CACNA2D3: variants seen among roughly 807,000 people sequenced by gnomAD.
CACNA2D3 encodes the protein calcium voltage-gated channel auxiliary subunit alpha2delta 3.
Under a neutral mutation model 160.6 loss-of-function variants are expected in CACNA2D3, and 60 were observed. The observed-to-expected ratio is 0.37, with a 90% confidence interval of 0.30 to 0.46. CACNA2D3 has a LOEUF of 0.46. Ranked by LOEUF, CACNA2D3 falls within the 20% of genes least tolerant of loss-of-function variation. The pLI is 1.00. For synonymous variants in CACNA2D3, 558 were observed against 492.9 expected (o/e 1.13, Z -1.75); for missense variants, 1,205 against 1,365.0 (o/e 0.88, Z 1.85).
chr3:54,679,430 C>T (rs549471389), intron 11 of CACNA2D3, among the ~76,000 whole-genome samples: 7 of 152,290 alleles, frequency 4.6e-5, no homozygotes, highest in East Asian at 3.9e-4. Flanking sequence ...ACTGAGGCAG[C>T]GACTGAGCAC....
At chr3:54,239,581 G>T (rs1701940662) in intron 2 of CACNA2D3, among the ~76,000 whole-genome samples, 1 of 152,202 alleles carries the variant, frequency 6.6e-6, no homozygotes, top group Non-Finnish European at 1.5e-5. Flanking sequence ...TCAGAAGAAG[G>T]GAGATCATTG....
chr3:54,818,776 C>A (rs1200777600), intron 14 of CACNA2D3, among the ~76,000 whole-genome samples: 2 of 152,160 alleles, frequency 1.3e-5, no homozygotes, highest in African/African-American at 2.4e-5. Flanking sequence ...GCCTTCTGTT[C>A]CTATCATGGC....
At chr3:54,235,799 G>A (rs1300025720) in intron 2 of CACNA2D3, among the ~76,000 whole-genome samples, 1 of 152,216 alleles carries the variant, frequency 6.6e-6, no homozygotes, top group African/African-American at 2.4e-5. Flanking sequence ...AATAATTTAA[G>A]TAGCTGCTCC....
intron 10 of CACNA2D3, chr3:54,633,824 C>T (rs991923570): frequency 6.6e-6 from 1 of 152,168 alleles, no homozygotes; most frequent in African/African-American, 2.4e-5. Flanking sequence ...GTGTACCAAC[C>T]ACTTAAGGAT....
chr3:54,564,152 G>A (rs1702371188), intron 6 of CACNA2D3, among the ~76,000 whole-genome samples: 1 of 152,172 alleles, frequency 6.6e-6, no homozygotes, highest in South Asian at 2.1e-4. Flanking sequence ...CCCCTGGGTA[G>A]CCAACCGTCT....
intron 27 of CACNA2D3, among the ~76,000 whole-genome samples, chr3:54,903,167 G>A (rs185483769): frequency 1.7e-4 from 26 of 152,140 alleles, no homozygotes; most frequent in African/African-American, 6.0e-4. Context: ...ATTAAGCCTG[G>A]TACCCATTAG....
chr3:54,473,079 A>G (rs1290718529), intron 4 of CACNA2D3, among the ~76,000 whole-genome samples: 3 of 152,230 alleles, frequency 2.0e-5, no homozygotes, highest in Non-Finnish European at 2.9e-5. Flanking sequence ...AGCCAAGTCA[A>G]TCCTAAGCAA....
chr3:54,677,893 C>T (rs2106909064), intron 11 of CACNA2D3, among the ~76,000 whole-genome samples: 1 of 151,926 alleles, frequency 6.6e-6, no homozygotes, highest in South Asian at 2.1e-4. Context: ...GGGCAATAGA[C>T]CACAGTATTT....
In CACNA2D3 at chr3:54,320,483, T is replaced by C. The variant is rs9879885; in HGVS notation, c.246T>C (p.Ile82=). The change falls in exon 3 of 38, where the codon ATT becomes ATC. Residue 82 remains isoleucine (I), a synonymous_variant. Coordinates refer to ENST00000474759, the MANE Select transcript of CACNA2D3 (RefSeq NM_018398.3). ...AGAAAGACGTTGCCATAGAAGAAAT[T>C]GATGGCCTCCAACTGGTAAAGAAGC... ...EYEKDVAIEE[I]DGLQLVKKLA... 0.72 allele frequency: 1,125,270 copies of C among 1,562,732 alleles called. 407,416 individuals carry two copies. Among genetic ancestry groups the C allele is most frequent in the Non-Finnish European group, 0.74 (853,034 of 1,152,290 alleles).
intron 11 of CACNA2D3, among the ~76,000 whole-genome samples, chr3:54,733,281 A>C (rs747008208): frequency 3.9e-5 from 6 of 152,202 alleles, no homozygotes; most frequent in Non-Finnish European, 5.9e-5. Flanking sequence ...TACCCACGTC[A>C]CTTGGCAGTC....
chr3:54,887,920 G>T (rs781286434), intron 23 of CACNA2D3, 39 bp from the exon 24 acceptor site: 2 of 1,536,192 alleles, frequency 1.3e-6, no homozygotes, highest in Admixed American at 1.7e-5. Context: ...CCCTCTTCCA[G>T]CCCTGCTGAA....
At chr3:54,986,858 C>T (rs531603505) in intron 30 of CACNA2D3, among the ~76,000 whole-genome samples, 1 of 152,120 alleles carries the variant, frequency 6.6e-6, no homozygotes, top group East Asian at 1.9e-4. Flanking sequence ...GGCTCTGTTC[C>T]ATGCACTGCG....
At chr3:54,803,617 T>G (rs537960038) in intron 13 of CACNA2D3, among the ~76,000 whole-genome samples, 2 of 152,238 alleles carry the variant, frequency 1.3e-5, no homozygotes, top group Middle Eastern at 3.4e-3. Context: ...TGGAACCAAG[T>G]TGGAAAACAC....
Position 54,736,037 on chromosome 3 carries a change from ATATATATACACATACATATGTATG to A in CACNA2D3, c.1168-16553_1168-16530del, listed in dbSNP as rs1701501412. Among the ~76,000 whole-genome samples the A allele has an allele frequency of 3.6e-4, 17 of 47,182 alleles. 3 individuals carry two copies. Among genetic ancestry groups the A allele is most frequent in the South Asian group, 2.0e-3 (3 of 1,500 alleles). The allele number at this position is 47,182 out of a possible 152,430, so 31.0% of individuals were successfully genotyped here. ...TATATACACATACATATATATATGTATATATATACACATACATATGTATGTATATATATATACATATATATGTAT... is the reference window on the plus strand; with the variant it reads ...TATATACACATACATATATATATGTATATATATATATACATATATATGTAT... On this transcript the variant is annotated intron_variant, in intron 11 of 37. Transcript: ENST00000474759.
intron 4 of CACNA2D3, among the ~76,000 whole-genome samples, chr3:54,393,284 T>C (rs1346456260): frequency 1.3e-5 from 2 of 152,214 alleles, no homozygotes; most frequent in Non-Finnish European, 2.9e-5. Context: ...TCAGGTCAGC[T>C]GAGGGAGCTG....
At chr3:54,515,266 G>A (rs555467130) in intron 5 of CACNA2D3, among the ~76,000 whole-genome samples, 1 of 152,004 alleles carries the variant, frequency 6.6e-6, no homozygotes, top group African/African-American at 2.4e-5. Context: ...AAGATTTCTG[G>A]AGAGATGTTC....
At chr3:54,381,087 G>A (rs1052021290) in intron 3 of CACNA2D3, among the ~76,000 whole-genome samples, 3 of 152,142 alleles carry the variant, frequency 2.0e-5, no homozygotes, top group Admixed American at 6.5e-5. Context: ...ATGTGTTGTT[G>A]CAAAACATTA....
chr3:54,542,807 C>T (rs1218502002), intron 5 of CACNA2D3, among the ~76,000 whole-genome samples: 5 of 152,030 alleles, frequency 3.3e-5, no homozygotes, highest in Non-Finnish European at 5.9e-5. Flanking sequence ...ACAGTCACAC[C>T]GAGGAACAAT....
intron 11 of CACNA2D3, among the ~76,000 whole-genome samples, chr3:54,698,642 AGAGAT>A (rs1700709444): frequency 6.6e-6 from 1 of 152,184 alleles, no homozygotes; most frequent in Admixed American, 6.5e-5. Flanking sequence ...TCATCTTTGA[AGAGAT>A]GAGAACGTAC....
Sources: allele counts gnomAD v4.1 joint callset (sites outside exome capture counted in the v4.1 genomes callset), GRCh38; gene constraint gnomAD v4.1.1; transcripts MANE v1.5; gene names NCBI Gene and HGNC (gene_info 2026-07-23, HGNC 2026-07-21).